Variants in FILIP1 observed in about 807,000 individuals in gnomAD.
FILIP1 encodes the protein filamin-A-interacting protein 1.
A neutral mutation model predicts 102.1 loss-of-function variants in FILIP1; 61 were observed. That is an observed-to-expected ratio of 0.60 (90% CI 0.49 to 0.74). FILIP1 has a LOEUF of 0.74. Among genes scored for constraint, FILIP1 ranks in the 30% least tolerant of loss-of-function variants. FILIP1 has a pLI of 0.00. For missense variants in FILIP1, 1,314 were observed against 1,441.2 expected, an observed-to-expected ratio of 0.91 and a Z score of 1.43; for synonymous variants, 491 against 526.9, an observed-to-expected ratio of 0.93 and a Z score of 0.93.
intron 4 of FILIP1, among the ~76,000 whole-genome samples, chr6:75,329,971 T>C (rs897858144): frequency 5.3e-5 from 8 of 152,132 alleles, no homozygotes; most frequent in Non-Finnish European, 8.8e-5. Context: ...TTCCTCAATA[T>C]GGTGATTATT....
At chr6:75,473,598 T>C (rs1309009826) in intron 1 of FILIP1, 1 of 152,106 alleles carries the variant, frequency 6.6e-6, no homozygotes, top group Non-Finnish European at 1.5e-5. Context: ...AAAAACACAA[T>C]GAAACAAATT....
intron 2 of FILIP1, among the ~76,000 whole-genome samples, chr6:75,394,230 C>T (rs1007441084): frequency 2.6e-5 from 4 of 151,914 alleles, no homozygotes; most frequent in African/African-American, 9.7e-5. Flanking sequence ...CTGACTAGAC[C>T]CTGACTCTTA....
intron 2 of FILIP1, among the ~76,000 whole-genome samples, chr6:75,365,848 A>G (rs563628549): frequency 6.6e-6 from 1 of 152,224 alleles, no homozygotes; most frequent in East Asian, 1.9e-4. Flanking sequence ...AAATAAAACA[A>G]AGGCAAATAA....
intron 6 of FILIP1, among the ~76,000 whole-genome samples, chr6:75,299,092 A>G (rs530910873): frequency 2.0e-5 from 3 of 152,192 alleles, no homozygotes; most frequent in Non-Finnish European, 2.9e-5. Flanking sequence ...ACAGACTTGA[A>G]TTCCCAAGTC....
intron 1 of FILIP1, among the ~76,000 whole-genome samples, chr6:75,476,858 C>CT (rs1356504579): frequency 9.2e-5 from 14 of 152,310 alleles, no homozygotes; most frequent in African/African-American, 3.1e-4. Context: ...GACCATCTTT[C>CT]TGCTCCCTAG....
chr6:75,430,660 T>A (rs1439347501), intron 1 of FILIP1, among the ~76,000 whole-genome samples: 1 of 152,234 alleles, frequency 6.6e-6, no homozygotes, highest in African/African-American at 2.4e-5. Context: ...AGTAGTGGTC[T>A]CATATCTGAG....
At chr6:75,493,211 A>G (rs930254476) in intron 1 of FILIP1, among the ~76,000 whole-genome samples, 4 of 152,198 alleles carry the variant, frequency 2.6e-5, no homozygotes, top group Non-Finnish European at 5.9e-5. Flanking sequence ...TTTAAAAAGG[A>G]ATTGGTATAA....
chr6:75,432,576 A>G (rs1777861107), intron 1 of FILIP1, among the ~76,000 whole-genome samples: 1 of 152,252 alleles, frequency 6.6e-6, no homozygotes, highest in South Asian at 2.1e-4. Flanking sequence ...TTTCTTTCAC[A>G]AAGCCAATTC....
intron 1 of FILIP1, among the ~76,000 whole-genome samples, chr6:75,437,814 T>G (rs1281040176): frequency 1.3e-5 from 2 of 152,216 alleles, no homozygotes; most frequent in Non-Finnish European, 2.9e-5. Flanking sequence ...TCCAAAGCAA[T>G]TAGCTGGTAA....
At chr6:75,318,682 T>C (rs1773530385) in intron 4 of FILIP1, among the ~76,000 whole-genome samples, 1 of 152,188 alleles carries the variant, frequency 6.6e-6, no homozygotes. Context: ...AGAACAACAA[T>C]TATTTCGTAT....
At chr6:75,415,523 T>A (rs539914675) in intron 1 of FILIP1, among the ~76,000 whole-genome samples, 34 of 138,150 alleles carry the variant, frequency 2.5e-4, no homozygotes, top group Non-Finnish European at 4.1e-4. Context: ...CAGTTGGATG[T>A]CACAGTGTGG....
intron 1 of FILIP1, among the ~76,000 whole-genome samples, chr6:75,440,450 C>G (rs1461655533): frequency 6.6e-6 from 1 of 152,086 alleles, no homozygotes; most frequent in African/African-American, 2.4e-5. Flanking sequence ...AAGGGCTTAT[C>G]GAAGACATTA....
intron 1 of FILIP1, among the ~76,000 whole-genome samples, chr6:75,424,958 C>T (rs1041497788): frequency 6.6e-6 from 1 of 152,106 alleles, no homozygotes; most frequent in Non-Finnish European, 1.5e-5. Flanking sequence ...CATTTCATAA[C>T]ATAAAAGAAT....
At chr6:75,435,959 A>G (rs963528763) in intron 1 of FILIP1, among the ~76,000 whole-genome samples, 3 of 152,172 alleles carry the variant, frequency 2.0e-5, no homozygotes, top group Non-Finnish European at 4.4e-5. Context: ...ATCAACTGGA[A>G]CACTGAATTG....
At chr6:75,343,969 G>A (rs1365607617) in intron 4 of FILIP1, among the ~76,000 whole-genome samples, 3 of 152,152 alleles carry the variant, frequency 2.0e-5, no homozygotes, top group African/African-American at 7.2e-5. Context: ...TGTCTCCACA[G>A]CCAGATAGGC....
At chr6:75,307,969 C>A, downstream of FILIP1, 1 of 881,452 alleles carries the variant, frequency 1.1e-6, no homozygotes, top group Non-Finnish European at 1.4e-6. Flanking sequence ...GAATAGAGCA[C>A]GAGTCTGACA....
intron 1 of FILIP1, among the ~76,000 whole-genome samples, chr6:75,475,154 C>T (rs1439664386): frequency 6.6e-6 from 1 of 152,140 alleles, no homozygotes; most frequent in Non-Finnish European, 1.5e-5. Context: ...TTTAATTGAT[C>T]TCTAACTTAA....
chr6:75,298,190 T>G (rs1311032977), intron 6 of FILIP1, among the ~76,000 whole-genome samples: 1 of 152,230 alleles, frequency 6.6e-6, no homozygotes, highest in Non-Finnish European at 1.5e-5. Context: ...ATGTCTTGGT[T>G]GGACCATAAC....
intron 3 of FILIP1, among the ~76,000 whole-genome samples, chr6:75,361,218 G>C (rs1044992101): frequency 6.6e-6 from 1 of 152,122 alleles, no homozygotes; most frequent in Non-Finnish European, 1.5e-5. Flanking sequence ...CTGTCCCTGA[G>C]TTAGGAATAT....
Sources: allele counts gnomAD v4.1 joint callset (sites outside exome capture counted in the v4.1 genomes callset), GRCh38; gene constraint gnomAD v4.1.1; transcripts MANE v1.5; gene names NCBI Gene and HGNC (gene_info 2026-07-23, HGNC 2026-07-21).